SRCIN1: variants seen among roughly 807,000 people sequenced by gnomAD.
SRCIN1 encodes SRC kinase signaling inhibitor 1, also known as P130Cas-associated protein.
In SRCIN1, 50 loss-of-function variants were observed where a neutral mutation model predicts 116.2. The ratio of observed to expected loss-of-function variants is 0.43; its 90% CI spans 0.34 to 0.54. The LOEUF is 0.54. Ranked by LOEUF, SRCIN1 falls within the 20% of genes least tolerant of loss-of-function variation. The pLI is 0.02. For missense variants in SRCIN1, 1,446 were observed against 1,672.0 expected (o/e 0.86, Z 2.36); for synonymous variants, 736 against 750.0 (o/e 0.98, Z 0.30).
intron 15 of SRCIN1, among the ~76,000 whole-genome samples, chr17:38,549,513 T>C (rs80131574): frequency 0.03 from 4,587 of 152,212 alleles, 222 homozygotes; most frequent in African/African-American, 0.1. Flanking sequence ...TCTGGGCTGC[T>C]AAACCAGGAT....
Position 38,558,227 on chromosome 17 carries a change from T to A in SRCIN1, c.2201A>T (p.Asn734Ile). 1 of 1,611,674 alleles carries A rather than the reference T, an allele frequency of 6.2e-7. No individual in the cohort carries two copies. Among genetic ancestry groups the A allele is most frequent in the Non-Finnish European group, 8.5e-7 (1 of 1,178,592 alleles). ...CCCTCCGCCGCGGGCCCAGCCTCACTTGAGCTGCTGGGTAATAAGCTCCTC... is the reference window on the plus strand; with the variant it reads ...CCCTCCGCCGCGGGCCCAGCCTCACATGAGCTGCTGGGTAATAAGCTCCTC... ...NDEELITQQL[N>I]DLEKSVEKIQ... Residue 734 changes from asparagine (N) to isoleucine (I), a missense_variant and splice_region_variant, in exon 11 of 19, where the codon AAT becomes ATT. Around this residue, in one of 5 missense-constraint regions of SRCIN1, gnomAD observed 531 missense variants for 633.9 expected, o/e 0.84. Coordinates refer to ENST00000617146, the MANE Select transcript of SRCIN1 (RefSeq NM_025248.3). The surrounding 1 kb of genome is among the most constrained non-coding windows in gnomAD (Gnocchi z 4.6).
intron 18 of SRCIN1, among the ~76,000 whole-genome samples, chr17:38,538,027 G>A (rs1904498505): frequency 6.6e-6 from 1 of 151,582 alleles, no homozygotes; most frequent in Admixed American, 6.6e-5. Context: ...TTGAACCCAG[G>A]AGGCAGAGGT....
intron 11 of SRCIN1, among the ~76,000 whole-genome samples, chr17:38,556,455 C>A (rs1304779752): frequency 6.6e-6 from 1 of 152,240 alleles, no homozygotes; most frequent in African/African-American, 2.4e-5. Context: ...TTGAATGAAA[C>A]AGAACCAGTT....
At chr17:38,564,072 G>A in intron 4 of SRCIN1, 46 bp downstream of exon 4, 1 of 1,556,344 alleles carries the variant, frequency 6.4e-7, no homozygotes, top group Non-Finnish European at 8.7e-7. Context: ...GAAGAGCAGA[G>A]GGAGGAGCCT....
chr17:38,589,074 G>A (rs3848397), intron 1 of SRCIN1, among the ~76,000 whole-genome samples: 2,370 of 152,284 alleles, frequency 0.016, 59 homozygotes, highest in African/African-American at 0.054. Flanking sequence ...CTCGGCATGC[G>A]CCTGGCTGCC....
At chr17:38,587,779 C>A (rs1908198938) in intron 1 of SRCIN1, among the ~76,000 whole-genome samples, 1 of 152,108 alleles carries the variant, frequency 6.6e-6, no homozygotes, top group Non-Finnish European at 1.5e-5. Flanking sequence ...CAGTGATGCC[C>A]CCAGCCCAGG....
chr17:38,578,633 C>G lies in SRCIN1; in HGVS notation c.181G>C (p.Ala61Pro). Residue 61 changes from alanine (A) to proline (P), a missense_variant, in exon 2 of 19, where the codon GCG (alanine) becomes CCG (proline). Transcript: ENST00000617146. The stretch of plus-strand genomic sequence containing the variant: ...CTGAGCGCCTCCAGACTCTGGGCCG[C>G]GATCACCGTGTGCCGCCGCTCGGAC... The part of the protein sequence containing the change: ...HTSERRHTVI[A>P]AQSLEALSGL... The G allele has an allele frequency of 6.2e-7, 1 of 1,603,820 alleles. No individual in the cohort carries two copies. Among genetic ancestry groups the G allele is most frequent in the South Asian group, 1.1e-5 (1 of 89,688 alleles).
In SRCIN1 at chr17:38,531,869, C is replaced by A. The variant is rs1250288376; in HGVS notation, c.*1428G>T. On this transcript the variant is annotated 3_prime_UTR_variant, in exon 19 of 19. Transcript: ENST00000617146. ...CTTGCTATGGGGGACTGATTCTAGTCCCCCTCCCCTGTGCTTACTTCACTT... is the reference window on the plus strand; with the variant it reads ...CTTGCTATGGGGGACTGATTCTAGTACCCCTCCCCTGTGCTTACTTCACTT... The A allele has an allele frequency of 6.5e-6, 1 of 152,766 alleles. No individual in the cohort carries two copies. The highest frequency in any genetic ancestry group is 2.4e-5 in the African/African-American group (1 of 41,424). The allele number at this position is 152,766 out of a possible 1,614,324, so 9.5% of individuals were successfully genotyped here. A position where few individuals can be genotyped will look rare whatever the true frequency, so the allele number is the denominator to read the frequency against.
At chr17:38,598,635 G>A (rs1908850801) in intron 1 of SRCIN1, among the ~76,000 whole-genome samples, 1 of 152,282 alleles carries the variant, frequency 6.6e-6, no homozygotes. Flanking sequence ...CACAGGTGAG[G>A]AAGGCAGGCA....
chr17:38,551,146 TC>T lies in SRCIN1; in HGVS notation c.2962+8del. 1 of 1,415,714 alleles carries T rather than the reference TC, an allele frequency of 7.1e-7. No individual in the cohort carries two copies. Among genetic ancestry groups the T allele is most frequent in the Non-Finnish European group, 9.7e-7 (1 of 1,036,154 alleles). 87.7% of individuals were successfully genotyped at this position (1,415,714 alleles called of 1,614,324 possible). On this transcript the variant is annotated splice_region_variant and intron_variant, in intron 15 of 18. Coordinates refer to ENST00000617146, the MANE Select transcript of SRCIN1 (RefSeq NM_025248.3). ...CTGGGCTCCTTACCAGCCCTACTACTCCCCATACCTGAGCCCCTCCTCCCAC... is the reference window on the plus strand; with the variant it reads ...CTGGGCTCCTTACCAGCCCTACTACTCCCATACCTGAGCCCCTCCTCCCAC...
At chr17:38,592,255 C>T (rs1315538922) in intron 1 of SRCIN1, among the ~76,000 whole-genome samples, 1 of 152,198 alleles carries the variant, frequency 6.6e-6, no homozygotes, top group African/African-American at 2.4e-5. Context: ...TGTCACCACG[C>T]CGCCATCCCC....
chr17:38,583,133 G>A (rs932627878), intron 1 of SRCIN1, among the ~76,000 whole-genome samples: 1 of 152,140 alleles, frequency 6.6e-6, no homozygotes, highest in South Asian at 2.1e-4. Context: ...GCAGTGGCGC[G>A]ATTATGGCTC....
chr17:38,560,323 G>C lies in SRCIN1; in HGVS notation c.1793+10C>G. On this transcript the variant is annotated intron_variant, in intron 8 of 18. Transcript: ENST00000617146. ...AGGCCCTGGCAGTGGTGTTGGGAGA[G>C]GGGCCTCACCTGGGGGTCTCAGGCT... is the stretch of plus-strand genomic sequence containing the variant. 6.2e-7 allele frequency: 1 copy of C among 1,603,532 alleles called. No individual in the cohort carries two copies.
rs139653397 is a variant in SRCIN1, at chr17:38,556,457, G to A, written c.2201+1770C>T. ...TGAGTGAGTCAAGTTGAATGAAACA[G>A]AACCAGTTTTAACTTCCAGCAAGTT... On this transcript the variant is annotated intron_variant, in intron 11 of 18. Transcript: ENST00000617146. Among the ~76,000 whole-genome samples, 518 of 152,374 alleles carry A rather than the reference G, an allele frequency of 3.4e-3. 4 individuals are homozygous for A. The highest frequency in any genetic ancestry group is 5.4e-3 in the Admixed American group (82 of 15,306).
chr17:38,598,443 G>A (rs775328462), intron 1 of SRCIN1, among the ~76,000 whole-genome samples: 1 of 152,056 alleles, frequency 6.6e-6, no homozygotes, highest in Non-Finnish European at 1.5e-5. Flanking sequence ...CGTCCCCCCC[G>A]CAATCTCCCC....
At chr17:38,554,228 T>C (rs1323762470) in intron 11 of SRCIN1, among the ~76,000 whole-genome samples, 2 of 148,186 alleles carry the variant, frequency 1.3e-5, no homozygotes, top group Admixed American at 6.7e-5. Flanking sequence ...AAAAAAAGAG[T>C]TCCCCCTTCA....
chr17:38,564,709 T>C (rs949583305), intron 3 of SRCIN1, among the ~76,000 whole-genome samples: 7 of 129,158 alleles, frequency 5.4e-5, no homozygotes, highest in African/African-American at 2.1e-4. Flanking sequence ...AGTGGCAGGT[T>C]TGTGAGCGGA....
In SRCIN1 at chr17:38,561,847, G is replaced by C; in HGVS notation, c.1316C>G (p.Ser439Trp). ...CAGATCGGACTGCAGCGCGGCGGCCGAGTAGGTGCTGAGCGAGCGCACCGA... is the reference window on the plus strand; with the variant it reads ...CAGATCGGACTGCAGCGCGGCGGCCCAGTAGGTGCTGAGCGAGCGCACCGA... ...RGSVRSLSTY[S>W]AAALQSDLED... Residue 439 changes from serine (S) to tryptophan (W), a missense_variant, in exon 7 of 19, where the codon TCG (serine) becomes TGG (tryptophan). Ser to Trp is a radical substitution (Grantham distance 177, BLOSUM62 -3). Transcript: ENST00000617146. 3.4e-6 allele frequency: 5 copies of C among 1,476,040 alleles called. No individual in the cohort carries two copies. Among genetic ancestry groups the C allele is most frequent in the Non-Finnish European group, 3.6e-6 (4 of 1,123,640 alleles). The allele number at this position is 1,476,040 out of a possible 1,614,324, so 91.4% of individuals were successfully genotyped here.
intron 18 of SRCIN1, chr17:38,541,289 G>C (rs1904725917): frequency 6.7e-6 from 1 of 149,446 alleles, no homozygotes; most frequent in African/African-American, 2.6e-5. Flanking sequence ...AATTTCCACT[G>C]TAAACATTTA....
Sources: gnomAD v4.1 joint callset for allele counts (sites outside exome capture counted in the v4.1 genomes callset) on GRCh38, gnomAD v4.1.1 for gene constraint, gnomAD v4.1.1 regional missense constraint, Gnocchi (gnomAD v3.1) non-coding constraint, MANE v1.5 for transcripts, NCBI Gene and HGNC (gene_info 2026-07-23, HGNC 2026-07-21) for gene names.